SLC47A2: variants seen among roughly 807,000 people sequenced by gnomAD.
The protein encoded by SLC47A2 is multidrug and toxin extrusion protein 2.
SLC47A2 carries 52 observed loss-of-function variants against 67.7 expected under a neutral mutation model. That is an observed-to-expected ratio of 0.77 (90% confidence interval 0.61 to 0.97). The LOEUF (loss-of-function observed/expected upper bound fraction) is 0.97, where lower values mean the gene tolerates loss of function less well. Among genes scored for constraint, SLC47A2 ranks in the 50% least tolerant of loss-of-function variants. The pLI, the probability that SLC47A2 is intolerant of heterozygous loss-of-function variation, is 0.00. For missense variants in SLC47A2, 676 were observed against 712.3 expected (o/e 0.95, Z 0.58); for synonymous variants, 278 against 292.9 (o/e 0.95, Z 0.52).
rs946666761 is a variant in SLC47A2 at position 19,699,106 on chromosome 17, A to G, written c.1164+3499T>C. On this transcript the variant is annotated intron_variant, in intron 13 of 16. Coordinates refer to ENST00000433844, the MANE Select transcript of SLC47A2 (RefSeq NM_001099646.3). ...AAGAATAGACAAAAAAGATCACTGG[A>G]ATGGAAGAGAGAGCCCAGAAATAGA... is the stretch of plus-strand genomic sequence containing the variant. Among the ~76,000 whole-genome samples, 6 of 152,216 alleles carry G rather than the reference A, an allele frequency of 3.9e-5. No individual in the cohort carries two copies. The East Asian group carries it at 1.2e-3, about 29-fold the overall frequency.
Position 19,705,334 on chromosome 17 carries a change from C to T in SLC47A2, c.909+102G>A, listed in dbSNP as rs565018665. On this transcript the variant is annotated intron_variant, in intron 10 of 16. Coordinates refer to ENST00000433844, the MANE Select transcript of SLC47A2 (RefSeq NM_001099646.3). ...CACGAGAGGCCCGGGGAGGGTCCTT[C>T]GGGAGACAGAGATAGCTTCAGGTGA... 1.4e-3 allele frequency: 1,850 copies of T among 1,305,658 alleles called. 8 individuals are homozygous for T. The highest frequency in any genetic ancestry group is 5.4e-3 in the South Asian group (417 of 77,548). 80.9% of individuals were successfully genotyped at this position (1,305,658 alleles called of 1,614,324 possible).
At position 19,705,447 on chromosome 17, in the gene SLC47A2, C is replaced by T; in HGVS notation, c.898G>A (p.Val300Met). ...TGCAGGAGCCTTACCATGTAGGTCACAGTGGCCACCTCGTAGATGACAGCC... is the reference window on the plus strand; with the variant it reads ...TGCAGGAGCCTTACCATGTAGGTCATAGTGGCCACCTCGTAGATGACAGCC... Reference protein sequence around the residue: ...AQAVIYEVATVTYMIPLGLSI... With the variant: ...AQAVIYEVATMTYMIPLGLSI... The change falls in exon 10 of 17, where the codon GTG (valine) becomes ATG (methionine). Residue 300 changes from valine (V) to methionine (M), a missense_variant. Physicochemically the swap from Val to Met is conservative, Grantham distance 21 (BLOSUM62 1). Coordinates refer to ENST00000433844, the MANE Select transcript of SLC47A2 (RefSeq NM_001099646.3). 1 of 1,612,324 alleles carries T rather than the reference C, an allele frequency of 6.2e-7. No homozygotes were observed. The highest frequency in any genetic ancestry group is 8.5e-7 in the Non-Finnish European group (1 of 1,179,474).
intron 13 of SLC47A2, among the ~76,000 whole-genome samples, chr17:19,695,719 T>C (rs2085648472): frequency 6.6e-6 from 1 of 151,834 alleles, no homozygotes; most frequent in Non-Finnish European, 1.5e-5. Context: ...CAAAAGATAC[T>C]GAAATTCCTT....
chr17:19,716,815 G>A, upstream of SLC47A2: 1 of 478,830 alleles, frequency 2.1e-6, no homozygotes, highest in South Asian at 3.2e-5. Flanking sequence ...TGTTGTGTCT[G>A]GTCTCCCAGA....
chr17:19,685,803 C>A lies in SLC47A2; in HGVS notation c.1165-4133G>T, dbSNP rs1003081659. Among the ~76,000 whole-genome samples the A allele has an allele frequency of 2.6e-5, 4 of 151,874 alleles. No individual in the cohort carries two copies. Among genetic ancestry groups the A allele is most frequent in the South Asian group, 2.1e-4 (1 of 4,814 alleles). ...AACACCCAAAAATGATCAATAAATA[C>A]TAAATAAATAAATAAATAAATAAAC... On this transcript the variant is annotated intron_variant, in intron 13 of 16. Transcript: ENST00000433844. This position sits in a 1 kb window ranked among gnomAD's most constrained non-coding sequence, Gnocchi z 4.5.
intron 13 of SLC47A2, among the ~76,000 whole-genome samples, chr17:19,696,110 G>A (rs28537694): frequency 0.62 from 93,183 of 151,280 alleles, 29,309 homozygotes; most frequent in East Asian, 0.98. Context: ...AGTTAAGATG[G>A]AGTCATTAAG....
chr17:19,684,532 C>G (rs1258623216), intron 13 of SLC47A2, among the ~76,000 whole-genome samples: 2 of 151,926 alleles, frequency 1.3e-5, no homozygotes, highest in Non-Finnish European at 2.9e-5. Context: ...GAAGAACAAA[C>G]TATACCTAAA....
intron 10 of SLC47A2, chr17:19,704,970 C>T (rs1175063199): frequency 5.0e-6 from 2 of 396,226 alleles, no homozygotes; most frequent in African/African-American, 4.1e-5. Context: ...GGACTACAGG[C>T]TTGTGCCACC....
At chr17:19,688,312 C>T (rs1019382429) in intron 13 of SLC47A2, among the ~76,000 whole-genome samples, 1 of 151,886 alleles carries the variant, frequency 6.6e-6, no homozygotes, top group African/African-American at 2.4e-5. Context: ...TTCAACATCC[C>T]TTCATGATTA....
At position 19,686,140 on chromosome 17, in the gene SLC47A2, T is replaced by C. The variant is rs148273562; in HGVS notation, c.1165-4470A>G. On this transcript the variant is annotated intron_variant, in intron 13 of 16. Coordinates refer to ENST00000433844, the MANE Select transcript of SLC47A2 (RefSeq NM_001099646.3). ...AGCCGGGCATGGAGGTGAGCACCTG[T>C]AGTCCCAGCTACTCAGGAGGCTGAG... Among the ~76,000 whole-genome samples the C allele has an allele frequency of 2.5e-3, 388 of 152,220 alleles. 4 individuals carry two copies. The highest frequency in any genetic ancestry group is 9.1e-3 in the African/African-American group (377 of 41,520).
intron 13 of SLC47A2, among the ~76,000 whole-genome samples, chr17:19,701,721 CT>C (rs1174170931): frequency 6.6e-6 from 1 of 152,268 alleles, no homozygotes; most frequent in East Asian, 1.9e-4. Flanking sequence ...TAGTTCATGC[CT>C]ATTGTCCCAG....
chr17:19,688,083 AAAAAG>A (rs2085464524), intron 13 of SLC47A2, among the ~76,000 whole-genome samples: 1 of 152,322 alleles, frequency 6.6e-6, no homozygotes, highest in South Asian at 2.1e-4. Context: ...ACACATCAAA[AAAAAG>A]AAAACTACAG....
rs1270908340 is a variant in SLC47A2, at chr17:19,702,635, A to G, written c.1134T>C (p.Tyr378=). The change falls in exon 13 of 17, where the codon TAT becomes TAC. Residue 378 remains tyrosine (Y), a synonymous_variant. Coordinates refer to ENST00000433844, the MANE Select transcript of SLC47A2 (RefSeq NM_001099646.3). The part of the protein sequence containing the change: ...IALVSQVLPV[Y]SVFHVFEAIC... Reference sequence around the variant, plus strand: ...TGGCCTCAAACACGTGAAAGACACTATAAACCGGCAAGACCTGGCTCACCA... The same window carrying G: ...TGGCCTCAAACACGTGAAAGACACTGTAAACCGGCAAGACCTGGCTCACCA... 1.2e-6 allele frequency: 2 copies of G among 1,614,112 alleles called. No individual in the cohort carries two copies. The highest frequency in any genetic ancestry group is 1.3e-5 in the African/African-American group (1 of 75,056).
At chr17:19,702,442 A>G (rs1351792384) in intron 13 of SLC47A2, 163 bp downstream of exon 13, 1 of 985,456 alleles carries the variant, frequency 1.0e-6, no homozygotes, top group East Asian at 1.1e-4. Context: ...GTTTGAAATA[A>G]GAATGGAACT....
intron 13 of SLC47A2, among the ~76,000 whole-genome samples, chr17:19,698,566 G>A (rs1419107572): frequency 6.6e-6 from 1 of 152,100 alleles, no homozygotes; most frequent in African/African-American, 2.4e-5. Context: ...GGCCAGGCTG[G>A]TCTTGAACTC....
At chr17:19,711,482 C>T (rs898941784) in intron 5 of SLC47A2, among the ~76,000 whole-genome samples, 2 of 147,790 alleles carry the variant, frequency 1.4e-5, no homozygotes, top group Non-Finnish European at 3.0e-5. Context: ...ATCCCAGCTA[C>T]TCGGGAGGCT....
chr17:19,697,503 C>T (rs566343097), intron 13 of SLC47A2, among the ~76,000 whole-genome samples: 2 of 152,274 alleles, frequency 1.3e-5, no homozygotes, highest in African/African-American at 4.8e-5. Context: ...ATATGAACTT[C>T]GGAGGACACA....
intron 13 of SLC47A2, among the ~76,000 whole-genome samples, chr17:19,698,408 A>G (rs964133602): frequency 2.3e-4 from 35 of 152,288 alleles, no homozygotes; most frequent in Admixed American, 2.0e-3. Context: ...GCTGGAGTAC[A>G]GTGGCGCAAT....
At position 19,712,691 on chromosome 17, in the gene SLC47A2, AG is replaced by A. The variant is rs1202316016; in HGVS notation, c.486+11del. 2.5e-6 allele frequency: 4 copies of A among 1,612,804 alleles called. No homozygotes were observed. The highest frequency in any genetic ancestry group is 3.4e-6 in the Non-Finnish European group (4 of 1,179,658). On this transcript the variant is annotated intron_variant, in intron 5 of 16. Transcript: ENST00000433844. Reference sequence around the variant, plus strand: ...GAATGTGATTCCACGCTCAGCAAACAGGGGCACCTACCGGAAGTCCTGGAAT... The same window carrying A: ...GAATGTGATTCCACGCTCAGCAAACAGGGCACCTACCGGAAGTCCTGGAAT...
Sources: allele counts gnomAD v4.1 joint callset (sites outside exome capture counted in the v4.1 genomes callset), GRCh38; gene constraint gnomAD v4.1.1; non-coding constraint Gnocchi (gnomAD v3.1); transcripts MANE v1.5; gene names NCBI Gene and HGNC (gene_info 2026-07-23, HGNC 2026-07-21).